RFX3: variants seen among roughly 807,000 people sequenced by gnomAD.
RFX3 encodes transcription factor RFX3.
In RFX3, 14 loss-of-function variants were observed where a neutral mutation model predicts 98.6. The observed-to-expected ratio is 0.14, with a 90% CI of 0.09 to 0.22. The LOEUF (loss-of-function observed/expected upper bound fraction) is 0.22, where lower values mean the gene tolerates loss of function less well. Among genes scored for constraint, RFX3 ranks in the 10% least tolerant of loss-of-function variants. The pLI, the probability that RFX3 is intolerant of heterozygous loss-of-function variation, is 1.00. For missense variants in RFX3, 639 were observed against 926.9 expected, an observed-to-expected ratio of 0.69 and a Z score of 4.03; for synonymous variants, 383 against 328.4, an observed-to-expected ratio of 1.17 and a Z score of -1.80.
chr9:3,494,284 A>G (rs1850952665), intron 1 of RFX3, among the ~76,000 whole-genome samples: 1 of 152,194 alleles, frequency 6.6e-6, no homozygotes, highest in Admixed American at 6.5e-5. Flanking sequence ...TTTTGTGATA[A>G]GCAGAGTTGT....
intron 7 of RFX3, among the ~76,000 whole-genome samples, chr9:3,279,728 T>A (rs1241346125): frequency 2.6e-5 from 4 of 151,878 alleles, no homozygotes; most frequent in Non-Finnish European, 4.4e-5. Context: ...ATTGTCTGCT[T>A]CCTTAGGAAG....
intron 1 of RFX3, among the ~76,000 whole-genome samples, chr9:3,415,401 C>A (rs1842899978): frequency 6.6e-6 from 1 of 151,624 alleles, no homozygotes; most frequent in Non-Finnish European, 1.5e-5. Flanking sequence ...TTTTCCACCA[C>A]ACCTGGCCAA....
chr9:3,509,735 A>G (rs147208709), intron 1 of RFX3, among the ~76,000 whole-genome samples: 1 of 152,142 alleles, frequency 6.6e-6, no homozygotes, highest in African/African-American at 2.4e-5. Context: ...AAAAATATGG[A>G]GTTCAAAATT....
intron 5 of RFX3, among the ~76,000 whole-genome samples, chr9:3,294,032 C>A (rs996385968): frequency 2.0e-5 from 3 of 151,992 alleles, no homozygotes; most frequent in Non-Finnish European, 1.5e-5. Flanking sequence ...TTTATGTTAT[C>A]CTGTGTACAT....
At chr9:3,344,317 T>A (rs1248714584) in intron 3 of RFX3, among the ~76,000 whole-genome samples, 1 of 152,214 alleles carries the variant, frequency 6.6e-6, no homozygotes, top group African/African-American at 2.4e-5. Context: ...TCGAATTTTT[T>A]ATTTTTTCAC....
intron 4 of RFX3, among the ~76,000 whole-genome samples, chr9:3,314,993 G>A (rs1388192848): frequency 2.0e-5 from 3 of 152,136 alleles, no homozygotes; most frequent in African/African-American, 7.2e-5. Context: ...AGGATATCCA[G>A]GAATTGAACT....
At chr9:3,416,389 T>C (rs977829444) in intron 1 of RFX3, among the ~76,000 whole-genome samples, 2 of 152,178 alleles carry the variant, frequency 1.3e-5, no homozygotes, top group Non-Finnish European at 2.9e-5. Flanking sequence ...CGGGTATTCA[T>C]TACATTATGC....
chr9:3,307,712 T>G (rs139515506), intron 4 of RFX3, among the ~76,000 whole-genome samples: 75 of 152,320 alleles, frequency 4.9e-4, no homozygotes, highest in African/African-American at 1.8e-3. Flanking sequence ...TCCTGCTCAT[T>G]TCTCTGCCGC....
intron 2 of RFX3, among the ~76,000 whole-genome samples, chr9:3,387,292 G>A (rs1368856880): frequency 2.0e-5 from 3 of 152,044 alleles, no homozygotes; most frequent in Admixed American, 2.0e-4. Context: ...AGAAACCCCA[G>A]CATTTAACAT....
At chr9:3,318,597 A>G (rs924976335) in intron 4 of RFX3, among the ~76,000 whole-genome samples, 3 of 151,464 alleles carry the variant, frequency 2.0e-5, no homozygotes, top group East Asian at 3.9e-4. Context: ...TTGGCTTTTC[A>G]TGTCCTCTTT....
chr9:3,345,624 C>T (rs1389230059), intron 3 of RFX3, among the ~76,000 whole-genome samples: 1 of 152,136 alleles, frequency 6.6e-6, no homozygotes. Flanking sequence ...TCTCCTTCCC[C>T]TTCCATGGTA....
intron 1 of RFX3, among the ~76,000 whole-genome samples, chr9:3,465,414 C>T (rs1299825379): frequency 6.6e-6 from 1 of 151,182 alleles, no homozygotes; most frequent in Non-Finnish European, 1.5e-5. Flanking sequence ...CCTCAGCCTC[C>T]TTAGTAGCTG....
At chr9:3,270,578 A>G in intron 10 of RFX3, 53 bp from the exon 11 acceptor site, 7 of 1,546,704 alleles carry the variant, frequency 4.5e-6, no homozygotes, top group Non-Finnish European at 6.2e-6. Context: ...GATAAAAAAG[A>G]AAATGGACTT....
Position 3,219,870 on chromosome 9 carries a change from T to A in RFX3, c.*5172A>T, listed in dbSNP as rs2130470653. On this transcript the variant is annotated 3_prime_UTR_variant, in exon 17 of 17. Transcript: ENST00000617270. Reference sequence around the variant, plus strand: ...GCTATGGATGTCCTTTCACCAGACATCAGAATAGGTTACACTCTTATTTGC... The same window carrying A: ...GCTATGGATGTCCTTTCACCAGACAACAGAATAGGTTACACTCTTATTTGC... The A allele has an allele frequency of 6.6e-6, 1 of 152,266 alleles. No individual in the cohort carries two copies. Among genetic ancestry groups the A allele is most frequent in the African/African-American group, 2.4e-5 (1 of 41,538 alleles). 9.4% of individuals were successfully genotyped at this position (152,266 alleles called of 1,614,324 possible).
At chr9:3,387,411 C>A (rs1322477449) in intron 2 of RFX3, among the ~76,000 whole-genome samples, 1 of 152,056 alleles carries the variant, frequency 6.6e-6, no homozygotes, top group South Asian at 2.1e-4. Flanking sequence ...TCAAAGCATA[C>A]TATTACTCAA....
intron 3 of RFX3, among the ~76,000 whole-genome samples, chr9:3,335,422 T>G (rs541189508): frequency 2.6e-5 from 4 of 152,352 alleles, no homozygotes; most frequent in African/African-American, 9.6e-5. Context: ...TATTGTATAC[T>G]GAATATATTC....
At chr9:3,440,039 T>C (rs1845485513) in intron 1 of RFX3, among the ~76,000 whole-genome samples, 1 of 152,164 alleles carries the variant, frequency 6.6e-6, no homozygotes. Flanking sequence ...CACCTAAAAG[T>C]ATTTAACAAA....
intron 2 of RFX3, among the ~76,000 whole-genome samples, chr9:3,377,170 A>G (rs1051778589): frequency 6.6e-6 from 1 of 152,228 alleles, no homozygotes; most frequent in African/African-American, 2.4e-5. Flanking sequence ...CACTATTCAC[A>G]ATAGCAAAGA....
chr9:3,379,291 G>A (rs1838915062), intron 2 of RFX3, among the ~76,000 whole-genome samples: 3 of 152,280 alleles, frequency 2.0e-5, no homozygotes, highest in Non-Finnish European at 2.9e-5. Flanking sequence ...ATCTAGATAG[G>A]ACAATCAAGA....
Sources: allele counts gnomAD v4.1 joint callset (sites outside exome capture counted in the v4.1 genomes callset), GRCh38; gene constraint gnomAD v4.1.1; transcripts MANE v1.5; gene names NCBI Gene and HGNC (gene_info 2026-07-23, HGNC 2026-07-21).